The following IDI1 variants were observed in gnomAD, a reference collection of about 807,000 sequenced individuals.
The protein encoded by IDI1 is isopentenyl-diphosphate delta isomerase 1, also known as isopentenyl-diphosphate Delta-isomerase 1.
In IDI1, 23 loss-of-function variants were observed where a neutral mutation model predicts 32.9. That is an observed-to-expected ratio of 0.70 (90% confidence interval 0.50 to 0.99). The LOEUF is 0.99. Ranked by LOEUF, IDI1 falls within the 50% of genes least tolerant of loss-of-function variation. The probability of loss-of-function intolerance (pLI) is 0.00; values close to 1 mark genes in which losing one functional copy is unlikely to be tolerated. For synonymous variants in IDI1, 133 were observed against 128.2 expected (o/e 1.04, Z -0.25); for missense variants, 326 against 351.9 (o/e 0.93, Z 0.59).
At chr10:1,051,684 A>C (rs1833017808), upstream of IDI1, among the ~76,000 whole-genome samples, 1 of 152,204 alleles carries the variant, frequency 6.6e-6, no homozygotes, top group South Asian at 2.1e-4. Flanking sequence ...TTTTACTGCT[A>C]ACCATCAGCT....
the IDI1 span, among the ~76,000 whole-genome samples, chr10:1,054,160 G>A: frequency 1.6e-3 from 238 of 152,320 alleles, 1 homozygote; most frequent in Middle Eastern, 6.8e-3. Context: ...CATGAAGTGA[G>A]CACATACTGT....
chr10:1,042,425 C>A, intron 4 of IDI1: 1 of 530,086 alleles, frequency 1.9e-6, no homozygotes. Context: ...ACAGATCAAT[C>A]CATCCCCGTA....
rs899980881 is a variant in IDI1 at position 1,041,289 on chromosome 10, C to T, written c.753G>A (p.Thr251=). The T allele has an allele frequency of 9.9e-6, 16 of 1,612,954 alleles. No individual in the cohort carries two copies. Among genetic ancestry groups the T allele is most frequent in the East Asian group, 2.2e-5 (1 of 44,802 alleles). Residue 251 remains threonine, a synonymous_variant, in exon 5 of 5, where the codon ACG becomes ACA. Transcript: ENST00000381344. ...KKAASGEIKI[T]PWFKIIAATF... ...TCGCTGCAATAATTTTAAACCATGG[C>T]GTTATCTTAATTTCACCACTGGCTG...
intron 4 of IDI1, among the ~76,000 whole-genome samples, chr10:1,042,135 T>C (rs1028319574): frequency 2.6e-5 from 4 of 152,190 alleles, no homozygotes; most frequent in Non-Finnish European, 5.9e-5. Flanking sequence ...TATTTTAAAA[T>C]TGCTTTTTGG....
downstream of IDI1, chr10:1,039,193 C>T (rs534402369): frequency 2.0e-5 from 3 of 146,674 alleles, no homozygotes; most frequent in Non-Finnish European, 3.0e-5. Flanking sequence ...ACGACCTGGA[C>T]GTGTCCCCAG....
rs750505686 is a variant in IDI1 at position 1,042,635 on chromosome 10, T to A, written c.534A>T (p.Glu178Asp). The change falls in exon 4 of 5, where the codon GAA (glutamate) becomes GAT (aspartate). Residue 178 changes from glutamate to aspartate, a missense_variant. Glu to Asp is a conservative substitution (Grantham distance 45). Transcript: ENST00000381344. ...GTTGTGTAGGAGAGCTGGTTACCTC[T>A]TCCAAGGGAATTCCTAGCTCAGCTT... ...RLKAELGIPLEEVPPEEINYL... is the reference protein window; with the variant it reads ...RLKAELGIPLDEVPPEEINYL... 2.5e-5 allele frequency: 40 copies of A among 1,613,836 alleles called. No homozygotes were observed. The highest frequency in any genetic ancestry group is 3.3e-5 in the Non-Finnish European group (39 of 1,179,916).
At chr10:1,055,511 T>C in the IDI1 span, among the ~76,000 whole-genome samples, 1 of 152,204 alleles carries the variant, frequency 6.6e-6, no homozygotes, top group Non-Finnish European at 1.5e-5. Flanking sequence ...TTACAAAGCT[T>C]TCTATTTGCT....
chr10:1,048,672 G>A, intron 1 of IDI1, 192 bp downstream of exon 1: 1 of 1,408,240 alleles, frequency 7.1e-7, no homozygotes, highest in South Asian at 1.5e-5. Context: ...GGGCGCGGGC[G>A]CCCACCACAG....
upstream of IDI1, among the ~76,000 whole-genome samples, chr10:1,051,841 C>T (rs1378486000): frequency 6.6e-6 from 1 of 152,170 alleles, no homozygotes; most frequent in Non-Finnish European, 1.5e-5. Flanking sequence ...CGTTGATTGA[C>T]AATTCTTTTC....
the IDI1 span, among the ~76,000 whole-genome samples, chr10:1,056,051 T>TC: frequency 2.6e-5 from 4 of 152,246 alleles, no homozygotes; most frequent in East Asian, 7.7e-4. Context: ...TCGTGATACG[T>TC]CGGCCTCGGC....
the IDI1 span, among the ~76,000 whole-genome samples, chr10:1,054,155 A>G: frequency 6.6e-6 from 1 of 152,232 alleles, no homozygotes; most frequent in Admixed American, 6.5e-5. Flanking sequence ...AGAGACATGA[A>G]GTGAGCACAT....
At position 1,041,183 on chromosome 10, in the gene IDI1, A is replaced by C. The variant is rs776956316; in HGVS notation, c.*4T>G. 3.9e-6 allele frequency: 6 copies of C among 1,535,206 alleles called. No individual in the cohort carries two copies. Among genetic ancestry groups the C allele is most frequent in the African/African-American group, 1.4e-5 (1 of 72,890 alleles). ...AATTTTTCTGTAATCATTTACCTAC[A>C]TATTCACATTCTGTATATTTTCTCA... is the stretch of plus-strand genomic sequence containing the variant. On this transcript the variant is annotated 3_prime_UTR_variant, in exon 5 of 5. Coordinates refer to ENST00000381344, the MANE Select transcript of IDI1 (RefSeq NM_004508.4).
At chr10:1,054,295 A>G in the IDI1 span, among the ~76,000 whole-genome samples, 1 of 152,228 alleles carries the variant, frequency 6.6e-6, no homozygotes, top group African/African-American at 2.4e-5. Context: ...TGCCTGTTAC[A>G]TGACATATAT....
At chr10:1,052,494 G>C (rs1406885651), upstream of IDI1, among the ~76,000 whole-genome samples, 3 of 152,208 alleles carry the variant, frequency 2.0e-5, no homozygotes, top group Non-Finnish European at 4.4e-5. Flanking sequence ...TGTTGTGTTA[G>C]CAGGCATGAA....
At chr10:1,041,613 T>C (rs767722622) in intron 4 of IDI1, 109 bp from the exon 5 acceptor site, 2 of 554,434 alleles carry the variant, frequency 3.6e-6, no homozygotes, top group Non-Finnish European at 6.2e-6. Flanking sequence ...AGTATAGTTT[T>C]AGGATTAGAA....
chr10:1,053,791 G>A (rs570743729), upstream of IDI1, among the ~76,000 whole-genome samples: 2 of 151,082 alleles, frequency 1.3e-5, no homozygotes, highest in Non-Finnish European at 2.9e-5. Flanking sequence ...GTGCAGTGGC[G>A]TGATCACAGC....
chr10:1,041,247 C>A lies in IDI1; in HGVS notation c.795G>T (p.Trp265Cys). 6.2e-7 allele frequency: 1 copy of A among 1,612,630 alleles called. No individual in the cohort carries two copies. Among genetic ancestry groups the A allele is most frequent in the Admixed American group, 1.7e-5 (1 of 60,006 alleles). The change falls in exon 5 of 5, where the codon TGG becomes TGT. Residue 265 changes from tryptophan (W) to cysteine (C), a missense_variant. Trp to Cys is a radical substitution (Grantham distance 215). Around this residue, in one of 2 missense-constraint regions of IDI1, gnomAD observed 205 missense variants for 273.5 expected, o/e 0.75. Transcript: ENST00000381344. ...GATTCAAATGATTTAAGTTATCCCACCATTTAAAGAGAAAAGTCGCTGCAA... is the reference window on the plus strand; with the variant it reads ...GATTCAAATGATTTAAGTTATCCCAACATTTAAAGAGAAAAGTCGCTGCAA... ...KIIAATFLFKWWDNLNHLNQF... is the reference protein window; with the variant it reads ...KIIAATFLFKCWDNLNHLNQF...
At chr10:1,049,253 C>A (rs1388449511), upstream of IDI1, 2 of 562,700 alleles carry the variant, frequency 3.6e-6, no homozygotes, top group Admixed American at 8.2e-5. Flanking sequence ...TTCGATCCTG[C>A]CGTGCGAGCC....
Position 1,041,463 on chromosome 10 carries a change from G to A in IDI1, c.579C>T (p.Tyr193=), listed in dbSNP as rs1407121160. 4 of 1,597,788 alleles carry A rather than the reference G, an allele frequency of 2.5e-6. No homozygotes were observed. The Admixed American group carries it at 5.1e-5, about 20-fold the overall frequency. The stretch of plus-strand genomic sequence containing the variant: ...CCCAGATACCATCAGACTGAGCTTT[G>A]TAGTGAATTCGTGTTAAATAATTAA... The part of the protein sequence containing the change: ...EEINYLTRIH[Y]KAQSDGIWGE... The change falls in exon 5 of 5, where the codon TAC becomes TAT. Residue 193 remains tyrosine (Y), a synonymous_variant. Transcript: ENST00000381344.
Sources: allele counts gnomAD v4.1 joint callset (sites outside exome capture counted in the v4.1 genomes callset), GRCh38; gene constraint gnomAD v4.1.1; regional missense constraint gnomAD v4.1.1; transcripts MANE v1.5; gene names NCBI Gene and HGNC (gene_info 2026-07-23, HGNC 2026-07-21).